Variants in INTS15 observed in about 807,000 individuals in gnomAD.
The protein encoded by INTS15 is uncharacterized protein C7orf26.
the INTS15 span, chr7:6,594,707 T>A: frequency 8.5e-6 from 9 of 1,057,668 alleles, no homozygotes; most frequent in Non-Finnish European, 1.1e-5. Context: ...TTGGCTGTTT[T>A]GTCTCTGAAA....
the INTS15 span, chr7:6,602,724 G>A: frequency 1.1e-5 from 5 of 471,032 alleles, no homozygotes; most frequent in African/African-American, 6.0e-5. Context: ...TCCTTGCCAC[G>A]TGGAGACCTC....
the INTS15 span, among the ~76,000 whole-genome samples, chr7:6,592,415 A>G: frequency 6.6e-6 from 1 of 151,400 alleles, no homozygotes; most frequent in Non-Finnish European, 1.5e-5. Flanking sequence ...GAAAATACAG[A>G]AATTAGCCAG....
the INTS15 span, chr7:6,594,454 G>A: frequency 3.1e-6 from 5 of 1,614,106 alleles, no homozygotes; most frequent in Non-Finnish European, 4.2e-6. Flanking sequence ...GTGGTTTACT[G>A]TGTGAGGTTA....
At chr7:6,596,938 C>T in the INTS15 span, among the ~76,000 whole-genome samples, 718 of 151,930 alleles carry the variant, frequency 4.7e-3, 4 homozygotes, top group Middle Eastern at 0.014. Context: ...GCTACCACAC[C>T]CGGCTAATTT....
chr7:6,597,332 T>C, the INTS15 span, among the ~76,000 whole-genome samples: 1,555 of 151,980 alleles, frequency 0.01, 26 homozygotes, highest in African/African-American at 0.035. Flanking sequence ...TCTCACTCTG[T>C]CACCTAGGCT....
chr7:6,599,988 G>A, the INTS15 span: 15 of 1,614,072 alleles, frequency 9.3e-6, no homozygotes, highest in Non-Finnish European at 1.3e-5. Flanking sequence ...ATCCGCTGGT[G>A]CGTGAAGGCA....
At chr7:6,591,577 C>G in the INTS15 span, 14 of 1,406,196 alleles carry the variant, frequency 1.0e-5, no homozygotes, top group African/African-American at 1.4e-5. Context: ...TTCCTGTTTT[C>G]TTAATGTATG....
At chr7:6,600,039 A>G in the INTS15 span, 7 of 1,614,066 alleles carry the variant, frequency 4.3e-6, no homozygotes, top group African/African-American at 2.7e-5. Flanking sequence ...CCCTTATCCA[A>G]TGGCCATGTC....
At chr7:6,599,465 A>G in the INTS15 span, among the ~76,000 whole-genome samples, 91 of 152,304 alleles carry the variant, frequency 6.0e-4, no homozygotes, top group Admixed American at 6.0e-3. Context: ...TACTCAGGGA[A>G]GGGGTGACGT....
At chr7:6,601,681 G>T in the INTS15 span, among the ~76,000 whole-genome samples, 2,496 of 149,908 alleles carry the variant, frequency 0.017, 57 homozygotes, top group African/African-American at 0.058. Flanking sequence ...TTTCGAGACA[G>T]GGTCTCACTC....
the INTS15 span, among the ~76,000 whole-genome samples, chr7:6,592,522 G>A: frequency 6.6e-6 from 1 of 151,588 alleles, no homozygotes; most frequent in African/African-American, 2.4e-5. Context: ...AGCCGAGATT[G>A]TGTCACTGCA....
the INTS15 span, chr7:6,607,407 G>T: frequency 1.8e-6 from 1 of 547,564 alleles, no homozygotes; most frequent in South Asian, 1.7e-5. This position sits in a 1 kb window ranked among gnomAD's most constrained non-coding sequence, Gnocchi z 6.0. Context: ...GTGCCCAAGA[G>T]TGGGGGCATC....
the INTS15 span, among the ~76,000 whole-genome samples, chr7:6,595,283 C>T: frequency 2.2e-4 from 34 of 152,148 alleles, no homozygotes; most frequent in Admixed American, 1.0e-3. Context: ...CTCCCTCAGC[C>T]TCCTGAGTAG....
the INTS15 span, among the ~76,000 whole-genome samples, chr7:6,607,062 G>A: frequency 6.6e-6 from 1 of 152,174 alleles, no homozygotes; most frequent in South Asian, 2.1e-4. This position sits in a 1 kb window ranked among gnomAD's most constrained non-coding sequence, Gnocchi z 6.0. Context: ...CACAGAGCGG[G>A]GCAGCCCTCG....
chr7:6,594,211 T>A, the INTS15 span, among the ~76,000 whole-genome samples: 1 of 149,678 alleles, frequency 6.7e-6, no homozygotes. Context: ...TTCACCATGC[T>A]GGCCAGGCTG....
At chr7:6,600,385 G>A in the INTS15 span, 2 of 1,589,570 alleles carry the variant, frequency 1.3e-6, no homozygotes, top group African/African-American at 2.7e-5. Flanking sequence ...CAGGCCTCCT[G>A]GTGCGGGGAC....
the INTS15 span, chr7:6,608,495 C>T: frequency 8.3e-7 from 1 of 1,202,388 alleles, no homozygotes. Context: ...GGTGCAAGCC[C>T]GTGTGTCTGG....
the INTS15 span, among the ~76,000 whole-genome samples, chr7:6,606,161 C>T: frequency 3.9e-5 from 6 of 152,132 alleles, no homozygotes; most frequent in South Asian, 2.1e-4. Flanking sequence ...TCCTTGGGTT[C>T]GTTAATCTCT....
At chr7:6,601,590 C>A in the INTS15 span, among the ~76,000 whole-genome samples, 2 of 151,730 alleles carry the variant, frequency 1.3e-5, no homozygotes, top group African/African-American at 4.8e-5. Context: ...GCCACTGCAC[C>A]CAGCCAGGGG....
Sources: gnomAD v4.1 joint callset for allele counts (sites outside exome capture counted in the v4.1 genomes callset) on GRCh38, gnomAD v4.1.1 for gene constraint, Gnocchi (gnomAD v3.1) non-coding constraint, MANE v1.5 for transcripts, NCBI Gene and HGNC (gene_info 2026-07-23, HGNC 2026-07-21) for gene names.